The following SYT14 variants were observed in gnomAD, a reference collection of about 807,000 sequenced individuals.
SYT14 encodes the protein synaptotagmin 14.
A neutral mutation model predicts 74.2 loss-of-function variants in SYT14; 32 were observed. The ratio of observed to expected loss-of-function variants is 0.43; its 90% CI spans 0.33 to 0.58. The LOEUF (loss-of-function observed/expected upper bound fraction) is 0.58. Among genes scored for constraint, SYT14 ranks in the 20% least tolerant of loss-of-function variants. SYT14 has a pLI of 0.05. For synonymous variants in SYT14, 298 were observed against 337.7 expected (o/e 0.88, Z 1.29); for missense variants, 791 against 981.8 (o/e 0.81, Z 2.60).
At chr1:210,030,521 C>T (rs2080508261) in intron 5 of SYT14, among the ~76,000 whole-genome samples, 1 of 152,092 alleles carries the variant, frequency 6.6e-6, no homozygotes, top group African/African-American at 2.4e-5. Flanking sequence ...CATAGAAGAT[C>T]ATATAATCTG....
intron 5 of SYT14, among the ~76,000 whole-genome samples, chr1:210,063,034 T>TTA (rs1172132306): frequency 6.7e-6 from 1 of 150,244 alleles, no homozygotes; most frequent in Non-Finnish European, 1.5e-5. Context: ...TTTTTTTTTT[T>TTA]AACATTGATG....
intron 2 of SYT14, among the ~76,000 whole-genome samples, chr1:210,006,323 G>A (rs1276484531): frequency 6.6e-6 from 1 of 151,732 alleles, no homozygotes; most frequent in Non-Finnish European, 1.5e-5. Flanking sequence ...TAAACTAATT[G>A]AAATGTTATA....
chr1:209,939,355 G>A (rs1572039074), intron 1 of SYT14, among the ~76,000 whole-genome samples: 1 of 152,150 alleles, frequency 6.6e-6, no homozygotes, highest in Admixed American at 6.5e-5. Context: ...TTTTTAAAGC[G>A]TTTCCCTTCT....
chr1:209,942,551 T>C (rs538071031), intron 1 of SYT14, among the ~76,000 whole-genome samples: 1 of 152,310 alleles, frequency 6.6e-6, no homozygotes, highest in South Asian at 2.1e-4. Context: ...CTTTAGTTTA[T>C]GCCCTTATCG....
exon 10 of SYT14, chr1:210,168,700 G>A (rs1055141270): frequency 6.6e-6 from 1 of 152,132 alleles, no homozygotes; most frequent in Non-Finnish European, 1.5e-5. Context: ...GTTGAAGGTG[G>A]ATGGTTTTGA....
rs1475908631 is a variant in SYT14 at position 210,155,917 on chromosome 1, G to T, written c.2224+7G>T. On this transcript the variant is annotated splice_region_variant and intron_variant, in intron 8 of 9. Coordinates refer to ENST00000637265, the Ensembl canonical transcript of SYT14. ...GCAGCAAACAGACCACCCAGTGAGT[G>T]AAAAATAATTTTTTTAATTCTAATG... 2 of 1,613,904 alleles carry T rather than the reference G, an allele frequency of 1.2e-6. No individual in the cohort carries two copies. The highest frequency in any genetic ancestry group is 1.1e-5 in the South Asian group (1 of 91,062).
intron 6 of SYT14, among the ~76,000 whole-genome samples, chr1:210,097,134 C>T (rs1207310564): frequency 1.3e-5 from 2 of 152,310 alleles, no homozygotes; most frequent in African/African-American, 2.4e-5. Context: ...GATGTGAATG[C>T]CGATAGCCTA....
chr1:210,021,368 AGTCACAT>A, intron 5 of SYT14, 114 bp downstream of exon 4: 1 of 985,652 alleles, frequency 1.0e-6, no homozygotes, highest in Non-Finnish European at 1.6e-6. Flanking sequence ...CATACAGTAC[AGTCACAT>A]TTCTGGGAAT....
chr1:210,133,893 C>G (rs2082728207), intron 7 of SYT14, among the ~76,000 whole-genome samples: 1 of 148,300 alleles, frequency 6.7e-6, no homozygotes, highest in South Asian at 2.1e-4. Flanking sequence ...GGGGATGGAC[C>G]ACTCAGAAAC....
chr1:210,143,683 A>G lies in SYT14; in HGVS notation c.2035-12038A>G, dbSNP rs183380885. Among the ~76,000 whole-genome samples the G allele has an allele frequency of 1.1e-4, 16 of 152,288 alleles. No individual in the cohort carries two copies. The East Asian group carries it at 2.7e-3, about 26-fold the overall frequency. On this transcript the variant is annotated intron_variant, in intron 7 of 9. Transcript: ENST00000637265. Reference sequence around the variant, plus strand: ...CGGCAGGGGGCAGCACAGTCTTACAATGTATAAAATGTGGTCATTTGAATG... The same window carrying G: ...CGGCAGGGGGCAGCACAGTCTTACAGTGTATAAAATGTGGTCATTTGAATG...
chr1:210,060,262 A>G (rs1034954812), intron 5 of SYT14, among the ~76,000 whole-genome samples: 3 of 152,148 alleles, frequency 2.0e-5, no homozygotes, highest in Non-Finnish European at 4.4e-5. Context: ...AGGTTAGGCA[A>G]TGCGATCTAA....
chr1:209,977,994 G>C (rs772082067), intron 2 of SYT14, among the ~76,000 whole-genome samples: 1 of 152,068 alleles, frequency 6.6e-6, no homozygotes, highest in Non-Finnish European at 1.5e-5. Flanking sequence ...CCAGTTAATA[G>C]AATCAGCTCT....
intron 6 of SYT14, among the ~76,000 whole-genome samples, chr1:210,096,631 A>G (rs562433218): frequency 2.0e-5 from 3 of 152,346 alleles, no homozygotes; most frequent in East Asian, 1.9e-4. Flanking sequence ...GAACAAGGGT[A>G]TCAAGAGCCA....
intron 2 of SYT14, among the ~76,000 whole-genome samples, chr1:209,968,870 G>A (rs1001849830): frequency 3.9e-5 from 6 of 151,906 alleles, no homozygotes; most frequent in Non-Finnish European, 8.8e-5. Flanking sequence ...TATCCAATAG[G>A]TAGCTTTTCA....
At chr1:210,149,175 C>A (rs2083107532) in intron 7 of SYT14, among the ~76,000 whole-genome samples, 2 of 140,868 alleles carry the variant, frequency 1.4e-5, no homozygotes, top group African/African-American at 2.6e-5. Flanking sequence ...TTGATTATAG[C>A]AGGAATTTTT....
chr1:210,033,887 A>T (rs1311348684), intron 5 of SYT14, among the ~76,000 whole-genome samples: 1 of 151,742 alleles, frequency 6.6e-6, no homozygotes, highest in African/African-American at 2.4e-5. Flanking sequence ...ACCCTTAAAC[A>T]TTTTTACTTG....
intron 5 of SYT14, among the ~76,000 whole-genome samples, chr1:210,031,962 C>T (rs1446861627): frequency 6.6e-6 from 1 of 152,118 alleles, no homozygotes; most frequent in Non-Finnish European, 1.5e-5. Flanking sequence ...CTATGGACTA[C>T]TATGCACTTT....
At chr1:210,087,854 C>A (rs1469735517) in intron 5 of SYT14, among the ~76,000 whole-genome samples, 1 of 152,124 alleles carries the variant, frequency 6.6e-6, no homozygotes, top group African/African-American at 2.4e-5. Flanking sequence ...CCTTTGCCAC[C>A]ATCAGTGCAG....
At chr1:210,128,368 C>A (rs2082610154) in intron 7 of SYT14, among the ~76,000 whole-genome samples, 1 of 150,304 alleles carries the variant, frequency 6.7e-6, no homozygotes, top group Non-Finnish European at 1.5e-5. Flanking sequence ...CAGAGCGAGA[C>A]CCTGTCTCAA....
Sources: allele counts gnomAD v4.1 joint callset (sites outside exome capture counted in the v4.1 genomes callset), GRCh38; gene constraint gnomAD v4.1.1; transcripts MANE v1.5; gene names NCBI Gene and HGNC (gene_info 2026-07-23, HGNC 2026-07-21).